The following SPTLC3 variants were observed in gnomAD, a reference collection of about 807,000 sequenced individuals.
The protein encoded by SPTLC3 is serine palmitoyltransferase 3.
Under a neutral mutation model 59.3 loss-of-function variants are expected in SPTLC3, and 36 were observed. The ratio of observed to expected loss-of-function variants is 0.61; its 90% CI spans 0.47 to 0.80. The LOEUF is 0.80. Ranked by LOEUF, SPTLC3 falls within the 30% of genes least tolerant of loss-of-function variation. SPTLC3 has a pLI of 0.00. For missense variants in SPTLC3, 625 were observed against 685.1 expected, an observed-to-expected ratio of 0.91 and a Z score of 0.98; for synonymous variants, 257 against 240.8, an observed-to-expected ratio of 1.07 and a Z score of -0.62.
At chr20:13,042,826 T>C (rs554572267) in intron 1 of SPTLC3, among the ~76,000 whole-genome samples, 40 of 152,342 alleles carry the variant, frequency 2.6e-4, no homozygotes, top group African/African-American at 8.4e-4. Flanking sequence ...AATAAATATT[T>C]CTTCATTTGT....
intron 11 of SPTLC3, among the ~76,000 whole-genome samples, chr20:13,163,417 A>G (rs984553052): frequency 6.6e-6 from 1 of 151,170 alleles, no homozygotes; most frequent in Non-Finnish European, 1.5e-5. Context: ...TTCCTCCTGC[A>G]TCCTCCATAA....
At chr20:13,092,598 C>T (rs1043183971) in intron 5 of SPTLC3, among the ~76,000 whole-genome samples, 2 of 152,082 alleles carry the variant, frequency 1.3e-5, no homozygotes, top group Non-Finnish European at 2.9e-5. Context: ...AGGAGAATGT[C>T]CTGTTCTTAG....
At chr20:13,080,847 T>C (rs886574465) in intron 4 of SPTLC3, among the ~76,000 whole-genome samples, 7 of 152,312 alleles carry the variant, frequency 4.6e-5, no homozygotes, top group African/African-American at 1.7e-4. Flanking sequence ...GAATAATCAT[T>C]GCAGTGAGAC....
rs900584260 is a variant in SPTLC3, at chr20:13,074,593, TA to T, written c.607+101del. ...TAGATCATATTTGGACTGTGTCCCT[TA>T]AAAAGGTGTTATAAACTGCAGAAAG... is the stretch of plus-strand genomic sequence containing the variant. On this transcript the variant is annotated intron_variant, in intron 4 of 11. Coordinates refer to ENST00000399002, the MANE Select transcript of SPTLC3 (RefSeq NM_018327.4). 2.9e-5 allele frequency: 39 copies of T among 1,328,300 alleles called. No homozygotes were observed. The African/African-American group carries it at 5.5e-4, about 19-fold the overall frequency. 82.3% of individuals were successfully genotyped at this position (1,328,300 alleles called of 1,614,324 possible). A position where few individuals can be genotyped will look rare whatever the true frequency, so the allele number is the denominator to read the frequency against.
At chr20:13,011,477 C>A (rs1299325397) in intron 1 of SPTLC3, among the ~76,000 whole-genome samples, 1 of 152,224 alleles carries the variant, frequency 6.6e-6, no homozygotes. Flanking sequence ...ACACAGTTAT[C>A]TCTTTTATAC....
chr20:13,075,315 G>A (rs1340303798), intron 4 of SPTLC3, among the ~76,000 whole-genome samples: 2 of 152,096 alleles, frequency 1.3e-5, no homozygotes, highest in East Asian at 3.9e-4. Flanking sequence ...ACACATGCAA[G>A]GTTCACCAGG....
Position 13,164,907 on chromosome 20 carries a change from A to C in SPTLC3, c.*40A>C, listed in dbSNP as rs1279504315. ...AATGACACATAAAGACTTTGCGAGA[A>C]AGACCTCCCTCCTTGCCTCACAAGG... On this transcript the variant is annotated 3_prime_UTR_variant, in exon 12 of 12. Transcript: ENST00000399002. 6.6e-7 allele frequency: 1 copy of C among 1,519,998 alleles called. No individual in the cohort carries two copies. The highest frequency in any genetic ancestry group is 2.3e-5 in the East Asian group (1 of 43,166). 94.2% of individuals were successfully genotyped at this position (1,519,998 alleles called of 1,614,324 possible).
At chr20:13,126,759 T>A (rs1424604876) in intron 9 of SPTLC3, 42 bp downstream of exon 9, 1 of 1,608,874 alleles carries the variant, frequency 6.2e-7, no homozygotes, top group African/African-American at 1.3e-5. Context: ...GACCTCTCTG[T>A]CTCCCTTCTG....
At chr20:13,155,486 A>C (rs1024769221) in intron 10 of SPTLC3, among the ~76,000 whole-genome samples, 1 of 152,202 alleles carries the variant, frequency 6.6e-6, no homozygotes, top group Non-Finnish European at 1.5e-5. Context: ...GATTCTTCAG[A>C]GTATGCTCTT....
chr20:13,027,667 ACACACACACACACG>A lies in SPTLC3; in HGVS notation c.117+18286_117+18299del, dbSNP rs1287265421. Among the ~76,000 whole-genome samples the A allele has an allele frequency of 5.9e-3, 869 of 146,448 alleles. 10 individuals carry two copies. Among genetic ancestry groups the A allele is most frequent in the African/African-American group, 0.021 (831 of 40,378 alleles). On this transcript the variant is annotated intron_variant, in intron 1 of 11. Transcript: ENST00000399002. ...CACACACACACACACACACACACACACACACACACACACGCAAAAGTGTCAATTTAGTTATTAAA... is the reference window on the plus strand; with the variant it reads ...CACACACACACACACACACACACACACAAAAGTGTCAATTTAGTTATTAAA...
At chr20:13,112,619 G>C (rs1479703784) in intron 7 of SPTLC3, among the ~76,000 whole-genome samples, 2 of 152,178 alleles carry the variant, frequency 1.3e-5, no homozygotes, top group Admixed American at 6.6e-5. Context: ...ATGACACAGA[G>C]TGAAGTCCCC....
intron 7 of SPTLC3, among the ~76,000 whole-genome samples, chr20:13,112,897 A>G (rs906338411): frequency 6.6e-6 from 1 of 152,186 alleles, no homozygotes; most frequent in Non-Finnish European, 1.5e-5. Flanking sequence ...GATATTTCCC[A>G]TAAGGCCAGG....
intron 10 of SPTLC3, among the ~76,000 whole-genome samples, chr20:13,156,252 G>A (rs190420723): frequency 4.6e-5 from 7 of 152,304 alleles, no homozygotes; most frequent in Non-Finnish European, 1.0e-4. Context: ...AATGACAGTA[G>A]GGAGTGTTCT....
At position 13,154,160 on chromosome 20, in the gene SPTLC3, T is replaced by C. The variant is rs754965672; in HGVS notation, c.1415+22T>C. The C allele has an allele frequency of 1.9e-6, 3 of 1,613,484 alleles. No homozygotes were observed. The South Asian group carries it at 3.3e-5, about 18-fold the overall frequency. ...TAGCGTAAGTATCCAAGGCATCTCA[T>C]AATCACACCTAAACCCCAAGGTGAC... On this transcript the variant is annotated intron_variant, in intron 10 of 11. Transcript: ENST00000399002.
rs1226902595 is a variant in SPTLC3, at chr20:13,117,632, G to A, written c.1059G>A (p.Glu353=). The change falls in exon 8 of 12, where the codon GAG becomes GAA. Residue 353 remains glutamate, a synonymous_variant. Transcript: ENST00000399002. ...AVGPTGRGVT[E]FFGLDPHEVD... ...GCCCAACCGGCCGGGGTGTCACGGA[G>A]TTCTTTGGACTAGACCCTCATGAAG... is the stretch of plus-strand genomic sequence containing the variant. The A allele has an allele frequency of 1.2e-6, 2 of 1,614,116 alleles. No homozygotes were observed. Among genetic ancestry groups the A allele is most frequent in the Admixed American group, 1.7e-5 (1 of 60,030 alleles).
chr20:13,163,559 A>G (rs149720625), intron 11 of SPTLC3, among the ~76,000 whole-genome samples: 114 of 152,240 alleles, frequency 7.5e-4, no homozygotes, highest in African/African-American at 2.6e-3. Flanking sequence ...AACTTTGGTT[A>G]CTTTTTCTTA....
At chr20:13,092,180 T>C (rs1337737027) in intron 5 of SPTLC3, among the ~76,000 whole-genome samples, 2 of 152,180 alleles carry the variant, frequency 1.3e-5, no homozygotes, top group East Asian at 3.8e-4. Flanking sequence ...GGGAACAGCA[T>C]GTGTAAAATA....
At chr20:13,070,784 G>A (rs2122564901) in intron 2 of SPTLC3, among the ~76,000 whole-genome samples, 1 of 152,264 alleles carries the variant, frequency 6.6e-6, no homozygotes, top group South Asian at 2.1e-4. Context: ...TATGAGTCAG[G>A]ATGTCTAATC....
intron 1 of SPTLC3, among the ~76,000 whole-genome samples, chr20:13,011,288 C>A (rs762881159): frequency 6.6e-6 from 1 of 152,092 alleles, no homozygotes. Context: ...TAGGCCTAGA[C>A]CAAAAGCCTT....
Sources: gnomAD v4.1 joint callset for allele counts (sites outside exome capture counted in the v4.1 genomes callset) on GRCh38, gnomAD v4.1.1 for gene constraint, MANE v1.5 for transcripts, NCBI Gene and HGNC (gene_info 2026-07-23, HGNC 2026-07-21) for gene names.